FANCD2: variants seen among roughly 807,000 people sequenced by gnomAD.
FANCD2 encodes the protein Fanconi anemia group D2 protein.
A neutral mutation model predicts 192.3 loss-of-function variants in FANCD2; 131 were observed. The ratio of observed to expected loss-of-function variants is 0.68; its 90% CI spans 0.59 to 0.79. The LOEUF (loss-of-function observed/expected upper bound fraction) is 0.79, where lower values mean the gene tolerates loss of function less well. Among genes scored for constraint, FANCD2 ranks in the 30% least tolerant of loss-of-function variants. The pLI is 0.00. For missense variants in FANCD2, 1,508 were observed against 1,701.6 expected (o/e 0.89, Z 2.00); for synonymous variants, 524 against 612.5 (o/e 0.86, Z 2.13).
intron 14 of FANCD2, among the ~76,000 whole-genome samples, chr3:10,044,666 T>A (rs1202250690): frequency 2.0e-5 from 3 of 152,158 alleles, no homozygotes; most frequent in Non-Finnish European, 4.4e-5. Flanking sequence ...TTGGAATCTG[T>A]TTTGTGGGAT....
intron 43 of FANCD2, chr3:10,099,280 C>T (rs934445923): frequency 4.2e-5 from 53 of 1,267,488 alleles, no homozygotes; most frequent in South Asian, 3.9e-4. Flanking sequence ...GAAGTTCTTA[C>T]GCTTTTTTGT....
At chr3:10,051,238 G>A (rs1460794841) in intron 17 of FANCD2, among the ~76,000 whole-genome samples, 35 of 150,208 alleles carry the variant, frequency 2.3e-4, no homozygotes, top group Non-Finnish European at 3.2e-4. Context: ...AAAATTAGCC[G>A]GGCGTAGTGG....
At position 10,098,832 on chromosome 3, in the gene FANCD2, C is replaced by T. The variant is rs763711696; in HGVS notation, c.4281+17C>T. 2.5e-6 allele frequency: 4 copies of T among 1,614,178 alleles called. No homozygotes were observed. The highest frequency in any genetic ancestry group is 1.3e-5 in the African/African-American group (1 of 75,056). ...GCCACTGAGGTATCTCTACAAAACCCACCAGAGTCTGGCACTGATGGTTGC... is the reference window on the plus strand; with the variant it reads ...GCCACTGAGGTATCTCTACAAAACCTACCAGAGTCTGGCACTGATGGTTGC... On this transcript the variant is annotated intron_variant, in intron 43 of 43. Coordinates refer to ENST00000675286, the MANE Select transcript of FANCD2 (RefSeq NM_001018115.3).
At chr3:10,084,614 T>C (rs1694068568) in intron 32 of FANCD2, among the ~76,000 whole-genome samples, 1 of 152,234 alleles carries the variant, frequency 6.6e-6, no homozygotes, top group African/African-American at 2.4e-5. Flanking sequence ...TTCAACATTT[T>C]AAGTACATGA....
chr3:10,088,331 C>A, intron 34 of FANCD2, 118 bp from the exon 35 acceptor site: 2 of 770,252 alleles, frequency 2.6e-6, no homozygotes, highest in Non-Finnish European at 4.7e-6. Flanking sequence ...AGACCGGGAA[C>A]GTCTTAGTAA....
intron 42 of FANCD2, 32 bp downstream of exon 42, chr3:10,096,504 C>A: frequency 6.2e-7 from 1 of 1,609,402 alleles, no homozygotes; most frequent in Non-Finnish European, 8.5e-7. Flanking sequence ...TGATAATCCC[C>A]TACTCTTATT....
At chr3:10,049,229 T>G (rs2087123329) in intron 16 of FANCD2, 145 bp from the exon 17 acceptor site, 2 of 846,752 alleles carry the variant, frequency 2.4e-6, no homozygotes, top group East Asian at 2.5e-5. Context: ...AAGCCAACAT[T>G]AATGAAAACT....
intron 26 of FANCD2, among the ~76,000 whole-genome samples, chr3:10,067,585 G>T (rs1196905669): frequency 1.3e-5 from 2 of 152,314 alleles, no homozygotes; most frequent in African/African-American, 4.8e-5. Context: ...ATCACTTGAG[G>T]TCAGGAATTC....
intron 3 of FANCD2, among the ~76,000 whole-genome samples, 196 bp downstream of exon 3, chr3:10,033,168 TG>T (rs1179194757): frequency 6.6e-6 from 1 of 152,152 alleles, no homozygotes; most frequent in Non-Finnish European, 1.5e-5. Flanking sequence ...CCCAGCACTT[TG>T]GGAGGCTCGA....
At chr3:10,086,061 G>A (rs1269580406) in intron 33 of FANCD2, 139 bp downstream of exon 33, 1 of 692,630 alleles carries the variant, frequency 1.4e-6, no homozygotes, top group Non-Finnish European at 2.7e-6. Flanking sequence ...TCATATATGA[G>A]CTTTCTCATC....
At chr3:10,047,044 C>T (rs898260310) in intron 15 of FANCD2, among the ~76,000 whole-genome samples, 1 of 152,270 alleles carries the variant, frequency 6.6e-6, no homozygotes, top group Admixed American at 6.5e-5. Flanking sequence ...GATAATTCCT[C>T]TAGAAATGTA....
intron 40 of FANCD2, 146 bp downstream of exon 40, chr3:10,094,509 C>G (rs1470191333): frequency 6.5e-6 from 5 of 765,730 alleles, no homozygotes; most frequent in Non-Finnish European, 1.2e-5. Context: ...CCAAATTGGA[C>G]TGAATATTCC....
intron 16 of FANCD2, among the ~76,000 whole-genome samples, chr3:10,048,448 C>A (rs2087095911): frequency 6.6e-6 from 1 of 152,174 alleles, no homozygotes. Flanking sequence ...TGATTACAGG[C>A]ACACACCACC....
intron 40 of FANCD2, 56 bp downstream of exon 40, chr3:10,094,419 T>G (rs34441486): frequency 2.8e-6 from 4 of 1,439,456 alleles, no homozygotes; most frequent in Non-Finnish European, 3.9e-6. Flanking sequence ...TCAGAAGATA[T>G]GTCCTTGGTG....
intron 39 of FANCD2, among the ~76,000 whole-genome samples, chr3:10,093,795 C>T (rs371741197): frequency 1.3e-5 from 2 of 152,202 alleles, no homozygotes; most frequent in Non-Finnish European, 2.9e-5. Flanking sequence ...TACTTCGCCA[C>T]TCCTCAAGTT....
chr3:10,100,582 G>A (rs2125104540), intron 43 of FANCD2, among the ~76,000 whole-genome samples: 1 of 152,204 alleles, frequency 6.6e-6, no homozygotes, highest in South Asian at 2.1e-4. Flanking sequence ...ATGTTGGCCG[G>A]GCTGGTCTCG....
chr3:10,040,010 A>T, intron 9 of FANCD2, 165 bp downstream of exon 9: 4 of 641,392 alleles, frequency 6.2e-6, no homozygotes, highest in Non-Finnish European at 7.8e-6. Context: ...AAAGGTATAT[A>T]TTTGAATAGA....
At chr3:10,082,770 C>T (rs1188710551) in intron 32 of FANCD2, among the ~76,000 whole-genome samples, 2 of 152,194 alleles carry the variant, frequency 1.3e-5, no homozygotes, top group Non-Finnish European at 2.9e-5. Flanking sequence ...CGTGATAAAA[C>T]TTAATCTCAT....
chr3:10,053,053 A>T (rs1355192281), intron 18 of FANCD2, among the ~76,000 whole-genome samples: 15 of 144,462 alleles, frequency 1.0e-4, no homozygotes, highest in African/African-American at 3.7e-4. Flanking sequence ...ACTATAAATC[A>T]TGCTGCTATA....
Sources: gnomAD v4.1 joint callset for allele counts (sites outside exome capture counted in the v4.1 genomes callset) on GRCh38, gnomAD v4.1.1 for gene constraint, MANE v1.5 for transcripts, NCBI Gene and HGNC (gene_info 2026-07-23, HGNC 2026-07-21) for gene names.